C21orf91: variants seen among roughly 807,000 people sequenced by gnomAD.
C21orf91 encodes the protein chromosome 21 open reading frame 91, also known as protein EURL homolog.
C21orf91 carries 26 observed loss-of-function variants against 32.9 expected under a neutral mutation model. The observed-to-expected ratio is 0.79, with a 90% CI of 0.58 to 1.10. C21orf91 has a LOEUF of 1.10. C21orf91 is among the 50% of genes least tolerant of loss of function. C21orf91 has a pLI of 0.00. For missense variants in C21orf91, 310 were observed against 341.3 expected, an observed-to-expected ratio of 0.91 and a Z score of 0.72; for synonymous variants, 126 against 120.4, an observed-to-expected ratio of 1.05 and a Z score of -0.31.
At chr21:17,801,193 A>G (rs976857834) in intron 2 of C21orf91, among the ~76,000 whole-genome samples, 2 of 152,168 alleles carry the variant, frequency 1.3e-5, no homozygotes, top group Non-Finnish European at 2.9e-5. Flanking sequence ...AATGTGGCAC[A>G]TATACACCAT....
rs112531048 is a variant in C21orf91, at chr21:17,806,971, C to T, written c.128-9853G>A. Among the ~76,000 whole-genome samples, 375 of 152,268 alleles carry T rather than the reference C, an allele frequency of 2.5e-3. 10 individuals carry two copies. In the East Asian group the frequency reaches 0.068, roughly 28 times the overall value. On this transcript the variant is annotated intron_variant, in intron 2 of 4. Coordinates refer to ENST00000284881, the MANE Select transcript of C21orf91 (RefSeq NM_001100420.2). ...TTCACTCTCAACTGAGAATTGAGAT[C>T]TCCCAGAATATCTATGACTGATATT...
chr21:17,814,119 T>A (rs2062650457), intron 2 of C21orf91, among the ~76,000 whole-genome samples: 1 of 152,172 alleles, frequency 6.6e-6, no homozygotes, highest in South Asian at 2.1e-4. Context: ...AAACTGATAG[T>A]ATGAACCAAC....
chr21:17,791,643 G>A lies in C21orf91; in HGVS notation c.*1772C>T, dbSNP rs1421166116. The A allele has an allele frequency of 6.6e-6, 1 of 152,056 alleles. No individual in the cohort carries two copies. The highest frequency in any genetic ancestry group is 6.5e-5 in the Admixed American group (1 of 15,268). 9.4% of individuals were successfully genotyped at this position (152,056 alleles called of 1,614,324 possible). A position where few individuals can be genotyped will look rare whatever the true frequency, so the allele number is the denominator to read the frequency against. ...AATTTGAAAATGTGGGAACAATTAA[G>A]CACTAAGATATTAATCAGGAAATGT... On this transcript the variant is annotated 3_prime_UTR_variant, in exon 5 of 5. Transcript: ENST00000284881.
At chr21:17,816,014 A>G (rs972326915) in intron 2 of C21orf91, among the ~76,000 whole-genome samples, 1 of 152,250 alleles carries the variant, frequency 6.6e-6, no homozygotes, top group Non-Finnish European at 1.5e-5. Flanking sequence ...TGTAGTGAAA[A>G]TGAAAATGCG....
At position 17,818,332 on chromosome 21, in the gene C21orf91, A is replaced by C. The variant is rs2062678959; in HGVS notation, c.-7-7T>G. The C allele has an allele frequency of 6.3e-7, 1 of 1,595,894 alleles. No individual in the cohort carries two copies. Among genetic ancestry groups the C allele is most frequent in the African/African-American group, 1.4e-5 (1 of 73,998 alleles). ...CTCTTCGTTCATAGTGCCCCTATTA[A>C]GAAACAGAAAAGGAAAGTTACACAA... is the stretch of plus-strand genomic sequence containing the variant. On this transcript the variant is annotated splice_region_variant and splice_polypyrimidine_tract_variant and intron_variant, in intron 1 of 4. Coordinates refer to ENST00000284881, the MANE Select transcript of C21orf91 (RefSeq NM_001100420.2).
intron 2 of C21orf91, among the ~76,000 whole-genome samples, chr21:17,801,781 T>C (rs956193046): frequency 6.6e-6 from 1 of 151,512 alleles, no homozygotes; most frequent in African/African-American, 2.4e-5. Context: ...CACCACGGCA[T>C]GTGTATACCT....
At chr21:17,795,938 G>C (rs965042566) in intron 3 of C21orf91, among the ~76,000 whole-genome samples, 7 of 152,196 alleles carry the variant, frequency 4.6e-5, no homozygotes, top group African/African-American at 1.7e-4. Flanking sequence ...TTAAGCATTA[G>C]ATAGTTTATA....
intron 2 of C21orf91, among the ~76,000 whole-genome samples, chr21:17,814,713 C>T (rs1225244189): frequency 1.3e-5 from 2 of 152,134 alleles, no homozygotes; most frequent in African/African-American, 4.8e-5. Context: ...CACTGACTAT[C>T]ATGAGAACAG....
Position 17,795,399 on chromosome 21 carries a change from A to C in C21orf91, c.665-129T>G, listed in dbSNP as rs530269524. The C allele has an allele frequency of 2.2e-4, 149 of 670,160 alleles. 1 individual carries two copies. The African/African-American group carries it at 2.5e-3, about 11-fold the overall frequency. 41.5% of individuals were successfully genotyped at this position (670,160 alleles called of 1,614,324 possible). A position where few individuals can be genotyped will look rare whatever the true frequency, so the allele number is the denominator to read the frequency against. On this transcript the variant is annotated intron_variant, in intron 3 of 4. Transcript: ENST00000284881. ...CCAACACAACATTCAGCAGTACTCC[A>C]GTATTCAACCATTAACGCTCGTAAG... is the stretch of plus-strand genomic sequence containing the variant.
chr21:17,805,256 A>T (rs2062586896), intron 2 of C21orf91, among the ~76,000 whole-genome samples: 1 of 152,228 alleles, frequency 6.6e-6, no homozygotes, highest in Non-Finnish European at 1.5e-5. Flanking sequence ...GCAAAAGGGT[A>T]CTTGGAAAGA....
At position 17,818,245 on chromosome 21, in the gene C21orf91, G is replaced by C; in HGVS notation, c.74C>G (p.Thr25Arg). ...DNICSVCKLG[T>R]DKETLSFCHI... ...GCAGAAGGAGAGTGTTTCTTTGTCTGTTCCCAGTTTACAAACACTGCAAAT... is the reference window on the plus strand; with the variant it reads ...GCAGAAGGAGAGTGTTTCTTTGTCTCTTCCCAGTTTACAAACACTGCAAAT... Residue 25 changes from threonine to arginine, a missense_variant, in exon 2 of 5, where the codon ACA becomes AGA. Coordinates refer to ENST00000284881, the MANE Select transcript of C21orf91 (RefSeq NM_001100420.2). The C allele has an allele frequency of 6.2e-7, 1 of 1,610,868 alleles. No homozygotes were observed. Among genetic ancestry groups the C allele is most frequent in the Middle Eastern group, 1.7e-4 (1 of 6,056 alleles).
rs2062463066 is a variant in C21orf91 at position 17,790,283 on chromosome 21, A to G, written c.*3132T>C. 1 of 152,106 alleles carries G rather than the reference A, an allele frequency of 6.6e-6. No individual in the cohort carries two copies. The highest frequency in any genetic ancestry group is 6.5e-5 in the Admixed American group (1 of 15,274). The allele number at this position is 152,106 out of a possible 1,614,324, so 9.4% of individuals were successfully genotyped here. On this transcript the variant is annotated 3_prime_UTR_variant, in exon 5 of 5. Coordinates refer to ENST00000284881, the MANE Select transcript of C21orf91 (RefSeq NM_001100420.2). ...AAAACCCAAACTGGGAAACATTAAA[A>G]CACAAATAGATCTAAAAGCTTACTT... is the stretch of plus-strand genomic sequence containing the variant.
chr21:17,797,099 G>C lies in C21orf91; in HGVS notation c.147C>G (p.Leu49=). The change falls in exon 3 of 5, where the codon CTC becomes CTG. Residue 49 remains leucine (L), a synonymous_variant. Coordinates refer to ENST00000284881, the MANE Select transcript of C21orf91 (RefSeq NM_001100420.2). ...LNIEGVPKSD[L]LHTKSLRGHK... ...GGCCCCTTAATGATTTGGTGTGCAA[G>C]AGATCAGACTTTGGTACCCCTATGG... 2 of 1,594,358 alleles carry C rather than the reference G, an allele frequency of 1.3e-6. No individual in the cohort carries two copies. The highest frequency in any genetic ancestry group is 1.7e-6 in the Non-Finnish European group (2 of 1,172,138).
rs113373955 is a variant in C21orf91, at chr21:17,814,595, A to G, written c.127+3597T>C. ...GCCTCAGGGAACTCACAATCAGGGC[A>G]GAAGGCAAAGAGGGAGCCAGCACCT... is the stretch of plus-strand genomic sequence containing the variant. On this transcript the variant is annotated intron_variant, in intron 2 of 4. Transcript: ENST00000284881. Among the ~76,000 whole-genome samples the G allele has an allele frequency of 2.5e-3, 377 of 152,330 alleles. 10 individuals carry two copies. In the East Asian group the frequency reaches 0.068, roughly 28 times the overall value.
intron 2 of C21orf91, among the ~76,000 whole-genome samples, chr21:17,805,193 C>A (rs1379304789): frequency 6.6e-6 from 1 of 152,152 alleles, no homozygotes; most frequent in East Asian, 1.9e-4. Flanking sequence ...TAAATGAATT[C>A]AATGTGGCTA....
In C21orf91 at chr21:17,795,209, C is replaced by G. The variant is rs371780633; in HGVS notation, c.726G>C (p.Gln242His). 90 of 1,604,990 alleles carry G rather than the reference C, an allele frequency of 5.6e-5. No homozygotes were observed. The highest frequency in any genetic ancestry group is 4.5e-4 in the East Asian group (20 of 44,810). The change falls in exon 4 of 5, where the codon CAG becomes CAC. Residue 242 changes from glutamine to histidine, a missense_variant and splice_region_variant. Physicochemically the swap from Gln to His is conservative, Grantham distance 24. Coordinates refer to ENST00000284881, the MANE Select transcript of C21orf91 (RefSeq NM_001100420.2). ...AAAAGTACTGACAGTGATTCTTACC[C>G]TGGATTTGCTGTAGGAGCTTTGCAT... is the stretch of plus-strand genomic sequence containing the variant. Reference protein sequence around the residue: ...QLNAKLLQQIQEVFEELTHQV... With the variant: ...QLNAKLLQQIHEVFEELTHQV...
At chr21:17,807,917 T>A (rs776159054) in intron 2 of C21orf91, among the ~76,000 whole-genome samples, 13 of 152,290 alleles carry the variant, frequency 8.5e-5, no homozygotes, top group African/African-American at 3.1e-4. Context: ...CTGGAACTTA[T>A]ATTTAAAAGG....
chr21:17,797,382 C>T (rs186788426), intron 2 of C21orf91, among the ~76,000 whole-genome samples: 40 of 151,868 alleles, frequency 2.6e-4, no homozygotes, highest in Admixed American at 2.0e-3. Context: ...TGTTACTGCA[C>T]GATATAAAAA....
intron 4 of C21orf91, among the ~76,000 whole-genome samples, chr21:17,794,823 T>C (rs970908672): frequency 6.6e-6 from 1 of 151,954 alleles, no homozygotes; most frequent in Admixed American, 6.6e-5. Flanking sequence ...TGCCAGCTCT[T>C]TGGGAGGCTG....
Sources: allele counts gnomAD v4.1 joint callset (sites outside exome capture counted in the v4.1 genomes callset), GRCh38; gene constraint gnomAD v4.1.1; transcripts MANE v1.5; gene names NCBI Gene and HGNC (gene_info 2026-07-23, HGNC 2026-07-21).